Variants in ARL13A observed in about 807,000 individuals in gnomAD.
ARL13A encodes the protein ARF like GTPase 13A.
A neutral mutation model predicts 19.1 loss-of-function variants in ARL13A; 16 were observed. The observed-to-expected ratio is 0.84, with a 90% CI of 0.57 to 1.27. The LOEUF is 1.27. Ranked by LOEUF, ARL13A falls within the 50% of genes most tolerant of loss-of-function variation. The pLI, the probability that ARL13A is intolerant of heterozygous loss-of-function variation, is 0.00. For missense variants in ARL13A, 153 were observed against 186.4 expected (o/e 0.82, Z 1.04); for synonymous variants, 69 against 71.3 (o/e 0.97, Z 0.17).
chrX:100,973,630 A>G, intron 1 of ARL13A, 46 bp from the exon 2 acceptor site: 3 of 1,143,758 alleles, frequency 2.6e-6, no homozygotes, highest in Non-Finnish European at 3.6e-6. Context: ...CTCAGTGTTT[A>G]TAACAGGACT....
At chrX:100,981,667 G>C (rs2085857809) in intron 3 of ARL13A, among the ~76,000 whole-genome samples, 1 of 107,821 alleles carries the variant, frequency 9.3e-6, no homozygotes, top group African/African-American at 3.4e-5. Flanking sequence ...AAATTAGCCA[G>C]GTATGGTGAC....
intron 3 of ARL13A, among the ~76,000 whole-genome samples, chrX:100,980,523 C>T (rs2085837130): frequency 9.2e-6 from 1 of 108,619 alleles, no homozygotes; most frequent in Non-Finnish European, 1.9e-5. Context: ...TCTAGAAATG[C>T]CCTCCAGGAG....
intron 3 of ARL13A, among the ~76,000 whole-genome samples, chrX:100,982,840 G>A (rs1200316728): frequency 9.1e-6 from 1 of 110,069 alleles, no homozygotes; most frequent in South Asian, 4.0e-4. Context: ...CTCACCAGAT[G>A]ATGCTGAGAC....
chrX:100,975,057 G>A (rs753471115), intron 3 of ARL13A, among the ~76,000 whole-genome samples: 1 of 111,468 alleles, frequency 9.0e-6, no homozygotes, highest in South Asian at 3.8e-4. Flanking sequence ...TACCAGAAAG[G>A]ACTTAATATA....
At chrX:100,986,936 G>T in intron 5 of ARL13A, 35 bp downstream of exon 5, 2 of 995,378 alleles carry the variant, frequency 2.0e-6, no homozygotes, top group Non-Finnish European at 2.8e-6. Flanking sequence ...TCTTCCTCTG[G>T]AGCCCAGCTG....
At chrX:100,982,692 G>A (rs1326300173) in intron 3 of ARL13A, among the ~76,000 whole-genome samples, 1 of 95,469 alleles carries the variant, frequency 1.0e-5, no homozygotes, top group Non-Finnish European at 2.0e-5. Context: ...CTGTCACCCC[G>A]ACTGGGGTGC....
rs781373592 is a variant in ARL13A, at chrX:100,988,285, T to C, written c.744+2T>C. 1 of 1,206,773 alleles carries C rather than the reference T, an allele frequency of 8.3e-7. No homozygotes were observed. The highest frequency in any genetic ancestry group is 1.8e-5 in the South Asian group (1 of 55,999). On this transcript the variant is annotated splice_donor_variant, in intron 7 of 7. Coordinates refer to ENST00000450049, the MANE Select transcript of ARL13A (RefSeq NM_001162491.2). LOFTEE classifies it high-confidence loss of function. ...AAGCCTCTAAAGTCAATCCTACAGGTAAATGGCCCTTTAAATGTTAATATT... is the reference window on the plus strand; with the variant it reads ...AAGCCTCTAAAGTCAATCCTACAGGCAAATGGCCCTTTAAATGTTAATATT...
intron 3 of ARL13A, among the ~76,000 whole-genome samples, chrX:100,976,358 G>C (rs1296022528): frequency 9.0e-6 from 1 of 110,985 alleles, no homozygotes; most frequent in African/African-American, 3.3e-5. Context: ...ACACTGCCTA[G>C]AGTCTATTTA....
chrX:100,990,689 A>T lies in ARL13A; in HGVS notation c.*101A>T. ...CTTTGTACCGAGATGCTGCTGACAAAGCTTGTGGACAATAAGTCATGGGTG... is the reference window on the plus strand; with the variant it reads ...CTTTGTACCGAGATGCTGCTGACAATGCTTGTGGACAATAAGTCATGGGTG... On this transcript the variant is annotated 3_prime_UTR_variant, in exon 8 of 8. Transcript: ENST00000450049. 1.1e-6 allele frequency: 1 copy of T among 896,979 alleles called. No homozygotes were observed. Among genetic ancestry groups the T allele is most frequent in the Non-Finnish European group, 1.6e-6 (1 of 632,655 alleles). 73.9% of individuals were successfully genotyped at this position (896,979 alleles called of 1,213,427 possible). A position where few individuals can be genotyped will look rare whatever the true frequency, so the allele number is the denominator to read the frequency against.
At chrX:100,976,607 T>C (rs2085766021) in intron 3 of ARL13A, among the ~76,000 whole-genome samples, 1 of 112,208 alleles carries the variant, frequency 8.9e-6, no homozygotes, top group Non-Finnish European at 1.9e-5. Context: ...TTGTTGTTGT[T>C]GTTAGTTAGT....
chrX:100,975,706 C>G (rs2085751669), intron 3 of ARL13A, among the ~76,000 whole-genome samples: 1 of 107,297 alleles, frequency 9.3e-6, no homozygotes. Flanking sequence ...GATCTCAGCT[C>G]ACTGCAACCT....
chrX:100,983,359 T>C (rs2147971784), intron 3 of ARL13A, among the ~76,000 whole-genome samples: 1 of 110,932 alleles, frequency 9.0e-6, no homozygotes, highest in South Asian at 3.9e-4. Flanking sequence ...TTTTAACCTA[T>C]TCACTTTTTT....
intron 3 of ARL13A, among the ~76,000 whole-genome samples, chrX:100,983,686 G>A (rs761000551): frequency 1.8e-5 from 2 of 111,490 alleles, no homozygotes; most frequent in South Asian, 7.5e-4. Context: ...GTCTAATACA[G>A]ATATAGCAAA....
At chrX:100,989,204 C>T (rs1321416165) in intron 7 of ARL13A, among the ~76,000 whole-genome samples, 4 of 111,196 alleles carry the variant, frequency 3.6e-5, no homozygotes, top group Admixed American at 9.7e-5. Flanking sequence ...ACGTATAGCA[C>T]GATACATATA....
chrX:100,984,709 AAAAG>A (rs760946975), intron 3 of ARL13A, among the ~76,000 whole-genome samples: 1 of 112,010 alleles, frequency 8.9e-6, no homozygotes, highest in South Asian at 3.7e-4. Flanking sequence ...AGCAAGCACA[AAAAG>A]AGGTGAAGGA....
At chrX:100,969,861 G>A (rs1361683849) in intron 1 of ARL13A, 52 bp downstream of exon 1, 2 of 112,420 alleles carry the variant, frequency 1.8e-5, no homozygotes, top group African/African-American at 6.5e-5. Flanking sequence ...ATTTGGAAAT[G>A]GTAGGTTTAG....
chrX:100,972,430 C>T (rs1258412491), intron 1 of ARL13A, among the ~76,000 whole-genome samples: 13 of 97,092 alleles, frequency 1.3e-4, no homozygotes, highest in South Asian at 5.3e-4. Context: ...CCAGTAGGGG[C>T]GGCTGGGCAG....
chrX:100,975,926 G>A (rs1195999139), intron 3 of ARL13A, among the ~76,000 whole-genome samples: 1 of 110,712 alleles, frequency 9.0e-6, no homozygotes, highest in African/African-American at 3.3e-5. Context: ...GAGCCACTGC[G>A]CCCGGCGACA....
chrX:100,985,750 C>A lies in ARL13A; in HGVS notation c.214C>A (p.Leu72Met). The change falls in exon 4 of 8, where the codon CTG becomes ATG. Residue 72 changes from leucine (L) to methionine (M), a missense_variant. Physicochemically the swap from Leu to Met is conservative, Grantham distance 15 (BLOSUM62 2). Transcript: ENST00000450049. ...LDEYELSIYD[L>M]NGDLKGREAW... ...TGAGTATGAACTTTCCATCTATGAC[C>A]TGAATGGAGACCTGAAGGGCCGGGA... 1 of 1,211,217 alleles carries A rather than the reference C, an allele frequency of 8.3e-7. No individual in the cohort carries two copies. Among genetic ancestry groups the A allele is most frequent in the Non-Finnish European group, 1.1e-6 (1 of 895,215 alleles).
Sources: gnomAD v4.1 joint callset for allele counts (sites outside exome capture counted in the v4.1 genomes callset) on GRCh38, gnomAD v4.1.1 for gene constraint, MANE v1.5 for transcripts, NCBI Gene and HGNC (gene_info 2026-07-23, HGNC 2026-07-21) for gene names.